RFX7: variants seen among roughly 807,000 people sequenced by gnomAD.
RFX7 encodes the protein DNA-binding protein RFX7.
A neutral mutation model predicts 111.8 loss-of-function variants in RFX7; 26 were observed. That is an observed-to-expected ratio of 0.23 (90% confidence interval 0.17 to 0.32). RFX7 has a LOEUF of 0.32. Among genes scored for constraint, RFX7 ranks in the 10% least tolerant of loss-of-function variants. The pLI is 1.00. For missense variants in RFX7, 1,573 were observed against 1,772.9 expected, an observed-to-expected ratio of 0.89 and a Z score of 2.02; for synonymous variants, 624 against 624.4, an observed-to-expected ratio of 1.00 and a Z score of 0.01.
At chr15:56,168,312 G>A (rs1290749046) in intron 3 of RFX7, among the ~76,000 whole-genome samples, 1 of 152,068 alleles carries the variant, frequency 6.6e-6, no homozygotes, top group Non-Finnish European at 1.5e-5. Context: ...TTTGTTTAGG[G>A]GATATTATGT....
At chr15:56,098,479 A>T in intron 8 of RFX7, 103 bp from the exon 9 acceptor site, 2 of 1,208,120 alleles carry the variant, frequency 1.7e-6, no homozygotes, top group Non-Finnish European at 2.3e-6. Flanking sequence ...GGACAAAGCA[A>T]CCAAAATGGC....
At chr15:56,127,207 G>A (rs930896652) in intron 5 of RFX7, among the ~76,000 whole-genome samples, 4 of 151,978 alleles carry the variant, frequency 2.6e-5, no homozygotes, top group Non-Finnish European at 5.9e-5. Flanking sequence ...TCACAAGTAT[G>A]TGAAAATTAA....
intron 2 of RFX7, among the ~76,000 whole-genome samples, chr15:56,180,257 C>T (rs1324081277): frequency 2.0e-5 from 3 of 151,912 alleles, no homozygotes; most frequent in African/African-American, 4.8e-5. Flanking sequence ...TCATTAATAA[C>T]AAAATTTTAT....
intron 2 of RFX7, among the ~76,000 whole-genome samples, chr15:56,214,702 G>A (rs1220807929): frequency 6.6e-5 from 9 of 135,822 alleles, no homozygotes; most frequent in Non-Finnish European, 9.4e-5. Context: ...GCAAAAGAGC[G>A]AGACTCTGTC....
At chr15:56,114,251 GA>G (rs763833770) in intron 5 of RFX7, among the ~76,000 whole-genome samples, 5 of 148,570 alleles carry the variant, frequency 3.4e-5, no homozygotes, top group Non-Finnish European at 4.5e-5. Context: ...TAAAAATACA[GA>G]AAAAAAAAAT....
intron 3 of RFX7, among the ~76,000 whole-genome samples, chr15:56,176,234 G>A (rs2042901292): frequency 6.6e-6 from 1 of 152,090 alleles, no homozygotes; most frequent in Non-Finnish European, 1.5e-5. Context: ...ATTTTAGAAG[G>A]GGAGGAGAGA....
intron 3 of RFX7, among the ~76,000 whole-genome samples, chr15:56,168,788 G>A (rs372361932): frequency 5.2e-4 from 79 of 152,244 alleles, no homozygotes; most frequent in East Asian, 1.2e-3. Flanking sequence ...AAGAAAGCCC[G>A]TTTGCCCTTC....
rs1404379676 is a variant in RFX7 at position 56,090,130 on chromosome 15, T to C, written c.*3215A>G. Reference sequence around the variant, plus strand: ...ACACTTATCAGTTTGTTATTTCTGGTACCTGGAAATGTCTATACTGCTTTT... The same window carrying C: ...ACACTTATCAGTTTGTTATTTCTGGCACCTGGAAATGTCTATACTGCTTTT... On this transcript the variant is annotated 3_prime_UTR_variant, in exon 10 of 10. Coordinates refer to ENST00000559447, the MANE Select transcript of RFX7 (RefSeq NM_022841.7). 2 of 152,332 alleles carry C rather than the reference T, an allele frequency of 1.3e-5. No individual in the cohort carries two copies. The highest frequency in any genetic ancestry group is 4.8e-5 in the African/African-American group (2 of 41,580). The allele number at this position is 152,332 out of a possible 1,614,324, so 9.4% of individuals were successfully genotyped here. A position where few individuals can be genotyped will look rare whatever the true frequency, so the allele number is the denominator to read the frequency against.
Position 56,114,964 on chromosome 15 carries a change from G to A in RFX7, c.402-11294C>T, listed in dbSNP as rs560205877. Among the ~76,000 whole-genome samples, 3 of 152,234 alleles carry A rather than the reference G, an allele frequency of 2.0e-5. No homozygotes were observed. In the South Asian group the frequency reaches 6.2e-4, roughly 32 times the overall value. On this transcript the variant is annotated intron_variant, in intron 5 of 9. Coordinates refer to ENST00000559447, the MANE Select transcript of RFX7 (RefSeq NM_022841.7). ...TAAAAAGTAAATCTTAAAGGCTTGA[G>A]TTCTCATGGCCTATGAAGAAGCCAT...
Position 56,096,282 on chromosome 15 carries a change from G to A in RFX7, c.1446C>T (p.Pro482=), listed in dbSNP as rs781293333. The change falls in exon 10 of 10, where the codon CCC becomes CCT. Residue 482 remains proline, a synonymous_variant. Transcript: ENST00000559447. ...GTTTAAGAGGGGTGTTACTGTTGCT[G>A]GGTGTGAGGGATATTGTTGTCATTT... The part of the protein sequence containing the change: ...VVKMTTISLT[P]SNSNTPLKHS... The A allele has an allele frequency of 1.2e-6, 2 of 1,613,826 alleles. No individual in the cohort carries two copies. The highest frequency in any genetic ancestry group is 4.5e-5 in the East Asian group (2 of 44,894).
intron 5 of RFX7, among the ~76,000 whole-genome samples, chr15:56,139,377 C>G (rs532238136): frequency 2.5e-4 from 38 of 152,306 alleles, no homozygotes; most frequent in African/African-American, 8.7e-4. Context: ...CATCATCCAT[C>G]GCTGATACTC....
chr15:56,239,990 T>C (rs1158110351), intron 2 of RFX7, among the ~76,000 whole-genome samples: 4 of 112,138 alleles, frequency 3.6e-5, no homozygotes, highest in Non-Finnish European at 3.9e-5. Context: ...ATTTCTTTTT[T>C]TTTTTTTTTT....
intron 5 of RFX7, among the ~76,000 whole-genome samples, chr15:56,116,879 CTG>C (rs2042015708): frequency 6.6e-6 from 1 of 150,536 alleles, no homozygotes; most frequent in Non-Finnish European, 1.5e-5. Flanking sequence ...GTTGTACAAA[CTG>C]TACAAATATT....
chr15:56,157,102 C>G (rs2042662293), intron 3 of RFX7, among the ~76,000 whole-genome samples: 1 of 152,220 alleles, frequency 6.6e-6, no homozygotes, highest in Non-Finnish European at 1.5e-5. Context: ...ATCAGGCAGT[C>G]TGGATACTAA....
At chr15:56,197,847 G>C (rs2043159715) in intron 2 of RFX7, among the ~76,000 whole-genome samples, 1 of 152,170 alleles carries the variant, frequency 6.6e-6, no homozygotes, top group Admixed American at 6.5e-5. Context: ...TGGAATGCTA[G>C]AGGTAAATAT....
At chr15:56,117,314 G>A (rs1363599312) in intron 5 of RFX7, among the ~76,000 whole-genome samples, 1 of 152,070 alleles carries the variant, frequency 6.6e-6, no homozygotes, top group Non-Finnish European at 1.5e-5. Flanking sequence ...TGTTAGGGTG[G>A]GTGGAGGGTG....
At chr15:56,176,841 C>T (rs1275426675) in intron 3 of RFX7, among the ~76,000 whole-genome samples, 6 of 152,006 alleles carry the variant, frequency 3.9e-5, no homozygotes, top group Non-Finnish European at 7.4e-5. Context: ...GAGCAAGAGC[C>T]TTGAATTATC....
At chr15:56,220,468 G>A (rs1398543050) in intron 2 of RFX7, among the ~76,000 whole-genome samples, 1 of 151,994 alleles carries the variant, frequency 6.6e-6, no homozygotes, top group Non-Finnish European at 1.5e-5. Flanking sequence ...CTGACGTCAG[G>A]TGATCCACCC....
chr15:56,143,412 A>G (rs755870082), intron 4 of RFX7, among the ~76,000 whole-genome samples: 13 of 151,846 alleles, frequency 8.6e-5, no homozygotes, highest in Non-Finnish European at 1.8e-4. Context: ...AATCTTACTA[A>G]AGCATTCTGT....
Sources: allele counts gnomAD v4.1 joint callset (sites outside exome capture counted in the v4.1 genomes callset), GRCh38; gene constraint gnomAD v4.1.1; transcripts MANE v1.5; gene names NCBI Gene and HGNC (gene_info 2026-07-23, HGNC 2026-07-21).